Variants in TNFRSF25 observed in about 807,000 individuals in gnomAD.
TNFRSF25 encodes tumor necrosis factor receptor superfamily member 25.
TNFRSF25 carries 28 observed loss-of-function variants against 49.4 expected under a neutral mutation model. The observed-to-expected ratio is 0.57, with a 90% CI of 0.42 to 0.78. TNFRSF25 has a LOEUF of 0.78. Ranked by LOEUF, TNFRSF25 falls within the 30% of genes least tolerant of loss-of-function variation. TNFRSF25 has a pLI of 0.00. For synonymous variants in TNFRSF25, 240 were observed against 234.2 expected, an observed-to-expected ratio of 1.02 and a Z score of -0.23; for missense variants, 531 against 581.6, an observed-to-expected ratio of 0.91 and a Z score of 0.90.
chr1:6,463,034 C>T (rs1180927637), intron 6 of TNFRSF25, 38 bp downstream of exon 6: 12 of 1,552,684 alleles, frequency 7.7e-6, no homozygotes, highest in Non-Finnish European at 9.6e-6. Context: ...CTCGGTCCAT[C>T]CCAGTTCTCC....
In TNFRSF25 at chr1:6,462,129, G is replaced by A. The variant is rs755910783; in HGVS notation, c.790C>T (p.Pro264Ser). 1.5e-5 allele frequency: 25 copies of A among 1,613,516 alleles called. No individual in the cohort carries two copies. Among genetic ancestry groups the A allele is most frequent in the Non-Finnish European group, 2.0e-5 (24 of 1,179,880 alleles). Residue 264 changes from proline (P) to serine (S), a missense_variant, in exon 9 of 10, where the codon CCT becomes TCT. Physicochemically the swap from Pro to Ser is moderately conservative, Grantham distance 74 (BLOSUM62 -1). Coordinates refer to ENST00000356876, the MANE Select transcript of TNFRSF25 (RefSeq NM_003790.3). The surrounding 1 kb of genome is among the most constrained non-coding windows in gnomAD (Gnocchi z 4.2). ...PLDSAHTLLAPPDSSEKICTV... is the reference protein window; with the variant it reads ...PLDSAHTLLASPDSSEKICTV... ...CAGATCTTCTCACTGCTGTCAGGAG[G>A]TGCTAGAAGGGTGTGGGCGCTGTCC...
chr1:6,464,791 C>A, intron 3 of TNFRSF25, 72 bp from the exon 4 acceptor site: 1 of 1,544,452 alleles, frequency 6.5e-7, no homozygotes, highest in Admixed American at 1.7e-5. Flanking sequence ...GAGGCAGAGG[C>A]ATTATCCCAA....
rs45562532 is a variant in TNFRSF25, at chr1:6,463,523, A to G, written c.543-396T>C. On this transcript the variant is annotated intron_variant, in intron 5 of 9. Transcript: ENST00000356876. Reference sequence around the variant, plus strand: ...GGGTGGATCACGAGGTCAGGTGATCAAGACCATCTTGGCTAACACGGTGAA... The same window carrying G: ...GGGTGGATCACGAGGTCAGGTGATCGAGACCATCTTGGCTAACACGGTGAA... The G allele has an allele frequency of 6.6e-3, 1,360 of 205,670 alleles. 28 individuals carry two copies. Among genetic ancestry groups the G allele is most frequent in the African/African-American group, 0.029 (1,241 of 43,076 alleles). 12.7% of individuals were successfully genotyped at this position (205,670 alleles called of 1,614,324 possible). A position where few individuals can be genotyped will look rare whatever the true frequency, so the allele number is the denominator to read the frequency against.
At chr1:6,464,989 G>A (rs1644301379) in intron 3 of TNFRSF25, 99 bp downstream of exon 3, 9 of 1,522,692 alleles carry the variant, frequency 5.9e-6, no homozygotes, top group African/African-American at 4.1e-5. Flanking sequence ...AAGGGTGGGT[G>A]CAGGACCCTC....
Position 6,463,267 on chromosome 1 carries a change from G to C in TNFRSF25, c.543-140C>G, listed in dbSNP as rs12093147. The C allele has an allele frequency of 7.0e-4, 553 of 793,196 alleles. 4 individuals are homozygous for C. In the African/African-American group the frequency reaches 8.7e-3, roughly 13 times the overall value. The allele number at this position is 793,196 out of a possible 1,614,324, so 49.1% of individuals were successfully genotyped here. A position where few individuals can be genotyped will look rare whatever the true frequency, so the allele number is the denominator to read the frequency against. ...TCTACCCAAGAATGTTCCTGTCATT[G>C]TGTCCCTGGTAACAACCACAGACAC... On this transcript the variant is annotated intron_variant, in intron 5 of 9. Coordinates refer to ENST00000356876, the MANE Select transcript of TNFRSF25 (RefSeq NM_003790.3).
chr1:6,461,335 G>A lies in TNFRSF25; in HGVS notation c.*99C>T, dbSNP rs961919507. 5.0e-6 allele frequency: 7 copies of A among 1,401,024 alleles called. No individual in the cohort carries two copies. The highest frequency in any genetic ancestry group is 2.5e-5 in the East Asian group (1 of 39,980). 86.8% of individuals were successfully genotyped at this position (1,401,024 alleles called of 1,614,324 possible). A position where few individuals can be genotyped will look rare whatever the true frequency, so the allele number is the denominator to read the frequency against. ...TGCTGCTACGCAGGGCCGTGCCAGC[G>A]GCTTAATAAGTGACATAAAATGTCT... On this transcript the variant is annotated 3_prime_UTR_variant, in exon 10 of 10. Transcript: ENST00000356876. This position sits in a 1 kb window ranked among gnomAD's most constrained non-coding sequence, Gnocchi z 6.3.
intron 5 of TNFRSF25, 87 bp from the exon 6 acceptor site, chr1:6,463,214 G>A (rs1016562763): frequency 1.6e-5 from 22 of 1,369,246 alleles, no homozygotes; most frequent in Non-Finnish European, 2.1e-5. Context: ...CTCCATCCTA[G>A]AGACCCTTCC....
rs373265863 is a variant in TNFRSF25 at position 6,463,109 on chromosome 1, A to G, written c.561T>C (p.Cys187=). The G allele has an allele frequency of 6.4e-7, 1 of 1,551,636 alleles. No individual in the cohort carries two copies. The highest frequency in any genetic ancestry group is 8.7e-7 in the Non-Finnish European group (1 of 1,147,012). ...CACAGACAGCGGCACAGCGCTCTGG[A>G]CAGCTCCCCAGGGTGCTCCTGCAAG... ...VSCPTSTLGS[C]PERCAAVCGW... The change falls in exon 6 of 10, where the codon TGT becomes TGC. Residue 187 remains cysteine (C), a synonymous_variant. Coordinates refer to ENST00000356876, the MANE Select transcript of TNFRSF25 (RefSeq NM_003790.3).
intron 1 of TNFRSF25, chr1:6,465,836 G>A: frequency 7.0e-7 from 1 of 1,424,160 alleles, no homozygotes; most frequent in Non-Finnish European, 9.1e-7. Context: ...CATGCTTTCT[G>A]TTGGGGGAGG....
chr1:6,465,959 C>A, intron 1 of TNFRSF25, 110 bp downstream of exon 1: 3 of 1,478,470 alleles, frequency 2.0e-6, no homozygotes, highest in Non-Finnish European at 1.8e-6. Context: ...GGGCGGCCAA[C>A]CCAGCCCCCA....
intron 2 of TNFRSF25, 47 bp from the exon 3 acceptor site, chr1:6,465,269 A>G: frequency 6.3e-7 from 1 of 1,576,436 alleles, no homozygotes; most frequent in East Asian, 2.3e-5. Flanking sequence ...CTGCCCAGCA[A>G]CCCCCGACCT....
intron 5 of TNFRSF25, chr1:6,463,898 A>G (rs1383951676): frequency 1.2e-5 from 2 of 166,636 alleles, no homozygotes; most frequent in African/African-American, 4.8e-5. Context: ...AACTAGCAGC[A>G]CAGTCCTGAC....
rs746016303 is a variant in TNFRSF25 at position 6,465,141 on chromosome 1, C to G, written c.242G>C (p.Trp81Ser). 1.2e-6 allele frequency: 2 copies of G among 1,614,026 alleles called. No individual in the cohort carries two copies. The highest frequency in any genetic ancestry group is 1.3e-5 in the African/African-American group (1 of 75,062). The change falls in exon 3 of 10, where the codon TGG becomes TCG. Residue 81 changes from tryptophan (W) to serine (S), a missense_variant. Transcript: ENST00000356876. Reference protein sequence around the residue: ...LVCPQDTFLAWENHHNSECAR... With the variant: ...LVCPQDTFLASENHHNSECAR... ...ACATTCAGAATTATGGTGGTTCTCC[C>G]AGGCCAAGAAGGTGTCTTGGGGACA... is the stretch of plus-strand genomic sequence containing the variant.
intron 1 of TNFRSF25, 79 bp downstream of exon 1, chr1:6,465,990 G>A (rs1342400074): frequency 1.3e-6 from 2 of 1,514,948 alleles, no homozygotes; most frequent in Non-Finnish European, 1.8e-6. Context: ...GAGTGGAGAC[G>A]CGCCCGGGGC....
chr1:6,461,616 C>T lies in TNFRSF25; in HGVS notation c.1072G>A (p.Glu358Lys). 1.2e-6 allele frequency: 2 copies of T among 1,609,424 alleles called. No homozygotes were observed. The highest frequency in any genetic ancestry group is 2.2e-5 in the South Asian group (2 of 90,982). ...KEFVRTLGLR[E>K]AEIEAVEVEI... ...ACCTCCACGGCTTCGATCTCTGCCTCGCGCAGCCCCAGCGTGCGCACGAAC... is the reference window on the plus strand; with the variant it reads ...ACCTCCACGGCTTCGATCTCTGCCTTGCGCAGCCCCAGCGTGCGCACGAAC... The change falls in exon 10 of 10, where the codon GAG (glutamate) becomes AAG (lysine). Residue 358 changes from glutamate to lysine, a missense_variant. Physicochemically the swap from Glu to Lys is moderately conservative, Grantham distance 56. Transcript: ENST00000356876. This position sits in a 1 kb window ranked among gnomAD's most constrained non-coding sequence, Gnocchi z 6.3.
At position 6,461,829 on chromosome 1, in the gene TNFRSF25, G is replaced by A. The variant is rs1557724943; in HGVS notation, c.926-67C>T. On this transcript the variant is annotated intron_variant, in intron 9 of 9. Coordinates refer to ENST00000356876, the MANE Select transcript of TNFRSF25 (RefSeq NM_003790.3). The surrounding 1 kb of genome is among the most constrained non-coding windows in gnomAD (Gnocchi z 6.3). ...GCGGTCGGGAGGCAGAGTCAGGGGC[G>A]TTCGTGCGGGTACCCCAGGGCTGAA... 2 of 1,457,858 alleles carry A rather than the reference G, an allele frequency of 1.4e-6. No individual in the cohort carries two copies. The highest frequency in any genetic ancestry group is 1.8e-6 in the Non-Finnish European group (2 of 1,106,114). The allele number at this position is 1,457,858 out of a possible 1,614,324, so 90.3% of individuals were successfully genotyped here.
Position 6,460,984 on chromosome 1 carries a change from A to C in TNFRSF25, c.*450T>G, listed in dbSNP as rs533147451. On this transcript the variant is annotated 3_prime_UTR_variant, in exon 10 of 10. Transcript: ENST00000356876. ...GACTTGCTCTCTCCTTCTCGGGGTA[A>C]TTGAGCCAGAGTGGACTCGGGAGGG... 15 of 377,632 alleles carry C rather than the reference A, an allele frequency of 4.0e-5. No homozygotes were observed. The highest frequency in any genetic ancestry group is 3.0e-4 in the African/African-American group (14 of 46,876). 23.4% of individuals were successfully genotyped at this position (377,632 alleles called of 1,614,324 possible). A position where few individuals can be genotyped will look rare whatever the true frequency, so the allele number is the denominator to read the frequency against.
rs3138157 is a variant in TNFRSF25 at position 6,461,110 on chromosome 1, T to C, written c.*324A>G. On this transcript the variant is annotated 3_prime_UTR_variant, in exon 10 of 10. Transcript: ENST00000356876. The surrounding 1 kb of genome is among the most constrained non-coding windows in gnomAD (Gnocchi z 6.3). ...TTCGAATCCCTCGAGAAAAGTCCAG[T>C]CCACTTAACACCCCAGCCCCGCAGA... 1.8e-6 allele frequency: 1 copy of C among 568,524 alleles called. No individual in the cohort carries two copies. The highest frequency in any genetic ancestry group is 1.5e-5 in the South Asian group (1 of 65,294). 35.2% of individuals were successfully genotyped at this position (568,524 alleles called of 1,614,324 possible).
Position 6,464,374 on chromosome 1 carries a change from C to T in TNFRSF25, c.542+1G>A, listed in dbSNP as rs368544215. On this transcript the variant is annotated splice_donor_variant, in intron 5 of 9. Transcript: ENST00000356876. LOFTEE classifies it high-confidence loss of function. ...TCCATCCCACGACAGCTAGGAATTA[C>T]GTGGGGCAGGACACGCAGCCATCGC... 16 of 1,606,484 alleles carry T rather than the reference C, an allele frequency of 1.0e-5. No individual in the cohort carries two copies. Among genetic ancestry groups the T allele is most frequent in the Non-Finnish European group, 1.4e-5 (16 of 1,176,958 alleles).
Sources: allele counts gnomAD v4.1 joint callset, GRCh38; gene constraint gnomAD v4.1.1; non-coding constraint Gnocchi (gnomAD v3.1); transcripts MANE v1.5; gene names NCBI Gene and HGNC (gene_info 2026-07-23, HGNC 2026-07-21).